The following KHDRBS2 variants were observed in gnomAD, a reference collection of about 807,000 sequenced individuals.
The protein encoded by KHDRBS2 is KH domain-containing, RNA-binding, signal transduction-associated protein 2.
Under a neutral mutation model 44.3 loss-of-function variants are expected in KHDRBS2, and 26 were observed. The ratio of observed to expected loss-of-function variants is 0.59; its 90% CI spans 0.43 to 0.81. KHDRBS2 has a LOEUF of 0.81. KHDRBS2 is among the 40% of genes least tolerant of loss of function. The pLI, the probability that KHDRBS2 is intolerant of heterozygous loss-of-function variation, is 0.00. For synonymous variants in KHDRBS2, 194 were observed against 151.1 expected (o/e 1.28, Z -2.08); for missense variants, 476 against 433.1 (o/e 1.10, Z -0.88).
intron 6 of KHDRBS2, among the ~76,000 whole-genome samples, chr6:61,733,801 C>T (rs561603062): frequency 2.0e-5 from 3 of 151,748 alleles, no homozygotes; most frequent in South Asian, 4.2e-4. Flanking sequence ...TTTTGTTTCT[C>T]TTTGTGGTCA....
intron 3 of KHDRBS2, among the ~76,000 whole-genome samples, chr6:62,034,522 C>T (rs1784906931): frequency 6.6e-6 from 1 of 151,534 alleles, no homozygotes; most frequent in African/African-American, 2.4e-5. Context: ...TACATCAGTT[C>T]AACAGAATGA....
chr6:62,278,387 A>C (rs535629946), intron 1 of KHDRBS2, among the ~76,000 whole-genome samples: 75 of 152,176 alleles, frequency 4.9e-4, no homozygotes, highest in Non-Finnish European at 9.6e-4. Flanking sequence ...ACATAAAGAG[A>C]AACTGAGAAT....
chr6:61,561,633 C>A, the KHDRBS2 span, among the ~76,000 whole-genome samples: 1 of 152,146 alleles, frequency 6.6e-6, no homozygotes, highest in Non-Finnish European at 1.5e-5. Flanking sequence ...ACCCCCACAA[C>A]AGACACATGA....
intron 6 of KHDRBS2, among the ~76,000 whole-genome samples, chr6:61,790,672 C>T (rs1784505649): frequency 6.6e-6 from 1 of 151,358 alleles, no homozygotes; most frequent in African/African-American, 2.4e-5. Context: ...TATTGTTATT[C>T]ATTGTTTAGG....
the KHDRBS2 span, among the ~76,000 whole-genome samples, chr6:61,661,752 A>G: frequency 9.9e-5 from 15 of 151,962 alleles, no homozygotes; most frequent in African/African-American, 3.6e-4. Flanking sequence ...AAAAGAGGAT[A>G]CAAACAAATG....
At chr6:62,064,944 AAAC>A (rs1434421364) in intron 2 of KHDRBS2, among the ~76,000 whole-genome samples, 2 of 151,848 alleles carry the variant, frequency 1.3e-5, no homozygotes, top group Non-Finnish European at 2.9e-5. Context: ...AGAAAAAAAC[AAAC>A]AACCCCATCA....
the KHDRBS2 span, among the ~76,000 whole-genome samples, chr6:61,666,714 A>G: frequency 2.0e-5 from 3 of 151,482 alleles, no homozygotes; most frequent in Non-Finnish European, 3.0e-5. Flanking sequence ...ATTAAACAAT[A>G]TAATACAGCA....
the KHDRBS2 span, among the ~76,000 whole-genome samples, chr6:61,576,287 G>A: frequency 0.62 from 93,554 of 151,810 alleles, 29,039 homozygotes; most frequent in Non-Finnish European, 0.65. Flanking sequence ...TGTTCCTTGT[G>A]TAGATCCTTC....
At chr6:61,696,348 C>T (rs1767903467) in intron 8 of KHDRBS2, among the ~76,000 whole-genome samples, 1 of 151,994 alleles carries the variant, frequency 6.6e-6, no homozygotes, top group African/African-American at 2.4e-5. Context: ...CTCCAACTCC[C>T]TGGTTCAAGC....
the KHDRBS2 span, among the ~76,000 whole-genome samples, chr6:61,638,241 A>C: frequency 6.6e-6 from 1 of 152,040 alleles, no homozygotes; most frequent in Non-Finnish European, 1.5e-5. Flanking sequence ...GCATCACACT[A>C]CCTGACTTCA....
At chr6:61,848,468 T>TA (rs1794737200) in intron 6 of KHDRBS2, among the ~76,000 whole-genome samples, 1 of 68,984 alleles carries the variant, frequency 1.4e-5, no homozygotes, top group Non-Finnish European at 2.5e-5. Context: ...AAATGGAGGT[T>TA]TTATATATAT....
chr6:61,889,475 A>G (rs1379579042), intron 6 of KHDRBS2, among the ~76,000 whole-genome samples: 1 of 152,126 alleles, frequency 6.6e-6, no homozygotes, highest in African/African-American at 2.4e-5. Context: ...CTTCATAAAC[A>G]CATTCCTTTA....
At chr6:61,765,185 C>T (rs993847555) in intron 6 of KHDRBS2, among the ~76,000 whole-genome samples, 3 of 152,016 alleles carry the variant, frequency 2.0e-5, no homozygotes, top group African/African-American at 7.2e-5. Context: ...TCTATAATCC[C>T]AGCATTTCTA....
At chr6:62,154,646 G>A (rs1245194438) in intron 2 of KHDRBS2, among the ~76,000 whole-genome samples, 3 of 152,114 alleles carry the variant, frequency 2.0e-5, no homozygotes. Context: ...GGGAATGAAT[G>A]ATTCATGGAT....
At chr6:61,847,780 T>C (rs1794629250) in intron 6 of KHDRBS2, among the ~76,000 whole-genome samples, 1 of 152,116 alleles carries the variant, frequency 6.6e-6, no homozygotes, top group Admixed American at 6.6e-5. Flanking sequence ...ATATTTTATT[T>C]TTAACTATAT....
chr6:61,980,984 G>A (rs1218670500), intron 3 of KHDRBS2, among the ~76,000 whole-genome samples: 1 of 152,066 alleles, frequency 6.6e-6, no homozygotes, highest in African/African-American at 2.4e-5. Flanking sequence ...TTATACACAT[G>A]TTTACCCACT....
At chr6:61,622,518 G>C in the KHDRBS2 span, among the ~76,000 whole-genome samples, 1 of 152,160 alleles carries the variant, frequency 6.6e-6, no homozygotes, top group Non-Finnish European at 1.5e-5. Flanking sequence ...CAGAATGTAA[G>C]TCTGAATATG....
At chr6:61,575,034 C>A in the KHDRBS2 span, among the ~76,000 whole-genome samples, 1 of 152,138 alleles carries the variant, frequency 6.6e-6, no homozygotes, top group African/African-American at 2.4e-5. Flanking sequence ...TGGAAAAACT[C>A]CTCTAGACAT....
At chr6:61,667,308 C>T in the KHDRBS2 span, among the ~76,000 whole-genome samples, 3 of 150,700 alleles carry the variant, frequency 2.0e-5, no homozygotes, top group African/African-American at 7.3e-5. Flanking sequence ...ATATTTTAAA[C>T]ATAAATTAGA....
Sources: gnomAD v4.1 joint callset for allele counts (sites outside exome capture counted in the v4.1 genomes callset) on GRCh38, gnomAD v4.1.1 for gene constraint, MANE v1.5 for transcripts, NCBI Gene and HGNC (gene_info 2026-07-23, HGNC 2026-07-21) for gene names.